The following WDR90 variants were observed in gnomAD, a reference collection of about 807,000 sequenced individuals.
The protein encoded by WDR90 is WD repeat-containing protein 90.
In WDR90, 238 loss-of-function variants were observed where a neutral mutation model predicts 195.2. The observed-to-expected ratio is 1.22, with a 90% CI of 1.10 to 1.36. The LOEUF is 1.36. Ranked by LOEUF, WDR90 falls within the 40% of genes most tolerant of loss-of-function variation. The probability of loss-of-function intolerance (pLI) is 0.00; values close to 1 mark genes in which losing one functional copy is unlikely to be tolerated. For synonymous variants in WDR90, 1,265 were observed against 1,052.4 expected (o/e 1.20, Z -3.91); for missense variants, 2,734 against 2,439.5 (o/e 1.12, Z -2.54).
At position 655,468 on chromosome 16, in the gene WDR90, T is replaced by C; in HGVS notation, c.1718T>C (p.Leu573Pro). Reference sequence around the variant, plus strand: ...TGCCCGGAGCCCTCGGCTGCCATGCTGTGAGTCCCTGCCCTTCCCCACGGC... The same window carrying C: ...TGCCCGGAGCCCTCGGCTGCCATGCCGTGAGTCCCTGCCCTTCCCCACGGC... ...DGCPEPSAAM[L>P]FVCSRSGHIL... Residue 573 changes from leucine to proline, a missense_variant and splice_region_variant, in exon 15 of 41, where the codon CTC becomes CCC. Transcript: ENST00000293879. The C allele has an allele frequency of 2.0e-6, 3 of 1,533,216 alleles. No homozygotes were observed. Among genetic ancestry groups the C allele is most frequent in the Non-Finnish European group, 2.6e-6 (3 of 1,140,890 alleles). The allele number at this position is 1,533,216 out of a possible 1,614,324, so 95.0% of individuals were successfully genotyped here.
chr16:662,409 G>A (rs1027987943), intron 33 of WDR90, 78 bp downstream of exon 33: 24 of 1,502,096 alleles, frequency 1.6e-5, no homozygotes, highest in South Asian at 6.0e-5. Context: ...CCAGTGCCCC[G>A]CCCCCGCAAA....
chr16:655,731 G>T lies in WDR90; in HGVS notation c.1849+28G>T, dbSNP rs779368847. 40 of 1,583,300 alleles carry T rather than the reference G, an allele frequency of 2.5e-5. 1 individual carries two copies. The African/African-American group carries it at 5.4e-4, about 21-fold the overall frequency. On this transcript the variant is annotated intron_variant, in intron 16 of 40. Coordinates refer to ENST00000293879, the MANE Select transcript of WDR90 (RefSeq NM_145294.5). Reference sequence around the variant, plus strand: ...AAGAGGGCGCCCACCACGTGGCCAGGGTGGCAGGGACACCGAGGCACTGAC... The same window carrying T: ...AAGAGGGCGCCCACCACGTGGCCAGTGTGGCAGGGACACCGAGGCACTGAC...
At position 658,953 on chromosome 16, in the gene WDR90, C is replaced by G; in HGVS notation, c.2953C>G (p.Gln985Glu). 2 of 1,612,942 alleles carry G rather than the reference C, an allele frequency of 1.2e-6. No individual in the cohort carries two copies. The highest frequency in any genetic ancestry group is 2.2e-5 in the East Asian group (1 of 44,888). The change falls in exon 24 of 41, where the codon CAG becomes GAG. Residue 985 changes from glutamine to glutamate, a missense_variant. Coordinates refer to ENST00000293879, the MANE Select transcript of WDR90 (RefSeq NM_145294.5). ...TGTGGCCTTCTCTCCTGACCAGCAG[C>G]AGGTCCTCAGCGCAGGGGACGCCGT... ...QAVAFSPDQQ[Q>E]VLSAGDAVFL...
chr16:659,793 C>T (rs2037854819), intron 26 of WDR90, among the ~76,000 whole-genome samples: 1 of 152,206 alleles, frequency 6.6e-6, no homozygotes, highest in South Asian at 2.1e-4. Context: ...TTCCCCCGGC[C>T]AACCCCGTGA....
intron 28 of WDR90, 67 bp downstream of exon 28, chr16:660,781 C>T: frequency 1.3e-6 from 2 of 1,481,706 alleles, no homozygotes. Context: ...GCCGTCTCCA[C>T]CCCAAGGCCA....
rs761520543 is a variant in WDR90 at position 650,573 on chromosome 16, G to C, written c.423G>C (p.Trp141Cys). ...GTTTGGCCCCCTCCGGAGCCCGCTG[G>C]ACCTGCCTGCAGCTCGATCTGCAGG... is the stretch of plus-strand genomic sequence containing the variant. ...LVGLAPSGAR[W>C]TCLQLDLQDV... Residue 141 changes from tryptophan (W) to cysteine (C), a missense_variant, in exon 5 of 41, where the codon TGG becomes TGC. Coordinates refer to ENST00000293879, the MANE Select transcript of WDR90 (RefSeq NM_145294.5). The C allele has an allele frequency of 6.2e-7, 1 of 1,612,130 alleles. No individual in the cohort carries two copies. Among genetic ancestry groups the C allele is most frequent in the Non-Finnish European group, 8.5e-7 (1 of 1,179,554 alleles).
At chr16:660,231 C>A in intron 27 of WDR90, 70 bp downstream of exon 27, 2 of 1,366,974 alleles carry the variant, frequency 1.5e-6, no homozygotes, top group East Asian at 5.2e-5. Context: ...GGCTCCCCAG[C>A]ACCTCCTCAG....
At position 658,174 on chromosome 16, in the gene WDR90, T is replaced by C; in HGVS notation, c.2605-9T>C. On this transcript the variant is annotated splice_polypyrimidine_tract_variant and intron_variant, in intron 21 of 40. Coordinates refer to ENST00000293879, the MANE Select transcript of WDR90 (RefSeq NM_145294.5). ...GCCCTGACTGTCGGCCACTTACCAC[T>C]ACCCCCAGCTGCTGCGAGTTGACAT... The C allele has an allele frequency of 3.1e-6, 5 of 1,605,296 alleles. No individual in the cohort carries two copies. Among genetic ancestry groups the C allele is most frequent in the Non-Finnish European group, 4.3e-6 (5 of 1,175,158 alleles).
At position 649,381 on chromosome 16, in the gene WDR90, G is replaced by T; in HGVS notation, c.-36G>T. 1 of 1,329,928 alleles carries T rather than the reference G, an allele frequency of 7.5e-7. No homozygotes were observed. The highest frequency in any genetic ancestry group is 9.6e-7 in the Non-Finnish European group (1 of 1,042,100). 82.4% of individuals were successfully genotyped at this position (1,329,928 alleles called of 1,614,324 possible). ...GCGGGGCGTACTCTGCGCTGGGCGC[G>T]CGGAGGCCTAGGCGGGAAGCTCGAG... is the stretch of plus-strand genomic sequence containing the variant. On this transcript the variant is annotated 5_prime_UTR_variant, in exon 1 of 41. Transcript: ENST00000293879.
At position 661,006 on chromosome 16, in the gene WDR90, C is replaced by G. The variant is rs1194863944; in HGVS notation, c.3392-45C>G. ...CCTCCCCAGGCCCCTCCCCGCCCCC[C>G]CCCCCCCCCGGCCCGGCCTCAGGCC... On this transcript the variant is annotated intron_variant, in intron 28 of 40. Transcript: ENST00000293879. 6 of 99,362 alleles carry G rather than the reference C, an allele frequency of 6.0e-5. 1 individual carries two copies. The highest frequency in any genetic ancestry group is 9.0e-5 in the South Asian group (1 of 11,074). 6.2% of individuals were successfully genotyped at this position (99,362 alleles called of 1,614,324 possible).
Position 666,217 on chromosome 16 carries a change from C to T in WDR90, c.4610-3C>T, listed in dbSNP as rs367639943. On this transcript the variant is annotated splice_region_variant and splice_polypyrimidine_tract_variant and intron_variant, in intron 36 of 40. Transcript: ENST00000293879. ...GGCTCACAGGGTGACGGCATGGTCC[C>T]AGGTCAGACTGTCCTCTCTGGAGAC... is the stretch of plus-strand genomic sequence containing the variant. 13 of 1,611,728 alleles carry T rather than the reference C, an allele frequency of 8.1e-6. No homozygotes were observed. Among genetic ancestry groups the T allele is most frequent in the African/African-American group, 1.3e-5 (1 of 74,918 alleles).
chr16:651,955 T>G lies in WDR90; in HGVS notation c.969T>G (p.Ser323=). The change falls in exon 9 of 41, where the codon TCT becomes TCG. Residue 323 remains serine, a synonymous_variant. Transcript: ENST00000293879. The part of the protein sequence containing the change: ...SLEPWAQLEA[S]DIHTAAAGTH... Reference sequence around the variant, plus strand: ...AGCCCTGGGCCCAGCTGGAGGCCTCTGACATCCACACGGCTGCTGCCGGCA... The same window carrying G: ...AGCCCTGGGCCCAGCTGGAGGCCTCGGACATCCACACGGCTGCTGCCGGCA... 6.2e-7 allele frequency: 1 copy of G among 1,608,556 alleles called. No homozygotes were observed. Among genetic ancestry groups the G allele is most frequent in the Non-Finnish European group, 8.5e-7 (1 of 1,178,480 alleles).
Position 661,900 on chromosome 16 carries a change from G to A in WDR90, c.3874G>A (p.Glu1292Lys). ...GADISLQVRR[E>K]PVPEAVGAGE... is the part of the protein sequence containing the mutation. ...TCTCATACTTTGCCAGGTGCGTCGA[G>A]AGCCAGTCCCAGAGGCAGTGGGGGC... Residue 1292 changes from glutamate (E) to lysine (K), a missense_variant, in exon 32 of 41, where the codon GAG becomes AAG. Glu to Lys is a moderately conservative substitution (Grantham distance 56). Coordinates refer to ENST00000293879, the MANE Select transcript of WDR90 (RefSeq NM_145294.5). 7 of 1,609,640 alleles carry A rather than the reference G, an allele frequency of 4.3e-6. No homozygotes were observed. Among genetic ancestry groups the A allele is most frequent in the Non-Finnish European group, 5.9e-6 (7 of 1,178,510 alleles).
chr16:651,507 GA>G, intron 7 of WDR90, 136 bp from the exon 8 acceptor site: 3 of 1,028,878 alleles, frequency 2.9e-6, no homozygotes, highest in Non-Finnish European at 4.3e-6. Flanking sequence ...GCCTAGGGTG[GA>G]AGTGGGGATA....
chr16:652,188 G>T, intron 9 of WDR90, 149 bp downstream of exon 9: 1 of 1,000,112 alleles, frequency 1.0e-6, no homozygotes, highest in South Asian at 1.6e-5. Flanking sequence ...GGCGGGAGGC[G>T]GCTTTGGGGA....
Position 660,469 on chromosome 16 carries a change from C to T in WDR90, c.3289-143C>T, listed in dbSNP as rs2037871884. The T allele has an allele frequency of 3.6e-6, 3 of 843,604 alleles. No homozygotes were observed. The South Asian group carries it at 4.9e-5, about 14-fold the overall frequency. 52.3% of individuals were successfully genotyped at this position (843,604 alleles called of 1,614,324 possible). On this transcript the variant is annotated intron_variant, in intron 27 of 40. Transcript: ENST00000293879. Reference sequence around the variant, plus strand: ...GGCACAGTGCCCACAGCTCCCACACCTCCTACCCCAGCTTCCCCGTCTGCC... The same window carrying T: ...GGCACAGTGCCCACAGCTCCCACACTTCCTACCCCAGCTTCCCCGTCTGCC...
intron 29 of WDR90, 55 bp from the exon 30 acceptor site, chr16:661,287 C>G (rs2037907496): frequency 8.4e-6 from 13 of 1,544,988 alleles, no homozygotes; most frequent in Non-Finnish European, 8.7e-6. Context: ...CCACCCCAGC[C>G]TCCACTCCAG....
At position 667,128 on chromosome 16, in the gene WDR90, A is replaced by G. The variant is rs1374768433; in HGVS notation, c.5089+139A>G. 2.2e-5 allele frequency: 21 copies of G among 971,068 alleles called. No individual in the cohort carries two copies. The East Asian group carries it at 5.5e-4, about 25-fold the overall frequency. The allele number at this position is 971,068 out of a possible 1,614,324, so 60.2% of individuals were successfully genotyped here. On this transcript the variant is annotated intron_variant, in intron 40 of 40. Transcript: ENST00000293879. Reference sequence around the variant, plus strand: ...GGTGGGGTGAGGACATCTGCCCTAGAGAGGGTCCTGGAGTCAGGAGATGAT... The same window carrying G: ...GGTGGGGTGAGGACATCTGCCCTAGGGAGGGTCCTGGAGTCAGGAGATGAT...
In WDR90 at chr16:652,111, A is replaced by T. The variant is rs965884199; in HGVS notation, c.1053+72A>T. The T allele has an allele frequency of 1.6e-5, 24 of 1,480,212 alleles. No individual in the cohort carries two copies. The African/African-American group carries it at 2.1e-4, about 13-fold the overall frequency. 91.7% of individuals were successfully genotyped at this position (1,480,212 alleles called of 1,614,324 possible). ...GGGGCAGCTGGTAGCCCGCCCCGAG[A>T]TGCATTCAGAACGGATGTGCCTCCA... On this transcript the variant is annotated intron_variant, in intron 9 of 40. Transcript: ENST00000293879.
Sources: allele counts gnomAD v4.1 joint callset (sites outside exome capture counted in the v4.1 genomes callset), GRCh38; gene constraint gnomAD v4.1.1; transcripts MANE v1.5; gene names NCBI Gene and HGNC (gene_info 2026-07-23, HGNC 2026-07-21).